The following CNIH3 variants were observed in gnomAD, a reference collection of about 807,000 sequenced individuals.
The protein encoded by CNIH3 is cornichon family AMPA receptor auxiliary protein 3.
CNIH3 carries 14 observed loss-of-function variants against 24.1 expected under a neutral mutation model. The observed-to-expected ratio is 0.58, with a 90% CI of 0.38 to 0.91. The LOEUF (loss-of-function observed/expected upper bound fraction) is 0.91. Among genes scored for constraint, CNIH3 ranks in the 40% least tolerant of loss-of-function variants. The pLI is 0.00. For missense variants in CNIH3, 178 were observed against 196.8 expected, an observed-to-expected ratio of 0.90 and a Z score of 0.57; for synonymous variants, 68 against 73.8, an observed-to-expected ratio of 0.92 and a Z score of 0.40.
At chr1:224,512,869 A>G (rs1286124576), upstream of CNIH3, among the ~76,000 whole-genome samples, 1 of 152,098 alleles carries the variant, frequency 6.6e-6, no homozygotes, top group Non-Finnish European at 1.5e-5. Context: ...GTGAGTGAAC[A>G]CAGAATGGAG....
At chr1:224,502,388 C>T (rs1359428817) in intron 1 of CNIH3, among the ~76,000 whole-genome samples, 3 of 152,070 alleles carry the variant, frequency 2.0e-5, no homozygotes, top group Admixed American at 6.5e-5. Context: ...CCTTTGGAGC[C>T]GAAAGCCCAG....
chr1:224,725,356 G>A (rs1208143196), intron 3 of CNIH3, among the ~76,000 whole-genome samples: 4 of 152,220 alleles, frequency 2.6e-5, no homozygotes, highest in Admixed American at 2.6e-4. Context: ...TTACAGATGG[G>A]TAAAATAAGA....
chr1:224,477,031 C>G (rs967966700), intron 1 of CNIH3, among the ~76,000 whole-genome samples: 3 of 152,174 alleles, frequency 2.0e-5, no homozygotes, highest in African/African-American at 7.2e-5. Context: ...CCCACCATGC[C>G]CCTGCAACAG....
chr1:224,523,238 CAA>C (rs879799320), intron 2 of CNIH3, among the ~76,000 whole-genome samples: 7 of 133,506 alleles, frequency 5.2e-5, no homozygotes, highest in African/African-American at 8.3e-5. Context: ...GACCCTGTCT[CAA>C]AAAAAAAAAA....
Position 224,617,030 on chromosome 1 carries a change from G to A in CNIH3, c.-145G>A. On this transcript the variant is annotated 5_prime_UTR_variant, in exon 1 of 6. Coordinates refer to ENST00000272133, the MANE Select transcript of CNIH3 (RefSeq NM_152495.2). Reference sequence around the variant, plus strand: ...GCGCTTATTCGCTGACCCTCGAGTCGCTTCGCTAGCTGTGCGCCCTCCTGG... The same window carrying A: ...GCGCTTATTCGCTGACCCTCGAGTCACTTCGCTAGCTGTGCGCCCTCCTGG... The A allele has an allele frequency of 7.0e-7, 1 of 1,420,650 alleles. No homozygotes were observed. The highest frequency in any genetic ancestry group is 9.2e-7 in the Non-Finnish European group (1 of 1,090,458). 88.0% of individuals were successfully genotyped at this position (1,420,650 alleles called of 1,614,324 possible). A position where few individuals can be genotyped will look rare whatever the true frequency, so the allele number is the denominator to read the frequency against.
intron 5 of CNIH3, among the ~76,000 whole-genome samples, chr1:224,585,297 C>T (rs1032704397): frequency 2.6e-5 from 4 of 152,108 alleles, no homozygotes; most frequent in Admixed American, 2.0e-4. Context: ...TTCCAGACCC[C>T]GCAATCACTC....
chr1:224,617,239 T>C lies in CNIH3; in HGVS notation c.65T>C (p.Phe22Ser), dbSNP rs1683051390. 1.1e-5 allele frequency: 18 copies of C among 1,614,048 alleles called. No homozygotes were observed. Among genetic ancestry groups the C allele is most frequent in the Non-Finnish European group, 1.4e-5 (17 of 1,179,984 alleles). The change falls in exon 1 of 6, where the codon TTC becomes TCC. Residue 22 changes from phenylalanine (F) to serine (S), a missense_variant. Physicochemically the swap from Phe to Ser is radical, Grantham distance 155 (BLOSUM62 -2). Transcript: ENST00000272133. The stretch of plus-strand genomic sequence containing the variant: ...CTGGTGCTGTGCGCTGCGCTCATCT[T>C]CTTCGCCATCTGGCACGTGAGTAAC... The part of the protein sequence containing the change: ...LSLVLCAALI[F>S]FAIWHIIAFD...
chr1:224,688,785 C>T (rs993625727), intron 3 of CNIH3, among the ~76,000 whole-genome samples: 1 of 151,144 alleles, frequency 6.6e-6, no homozygotes, highest in Non-Finnish European at 1.5e-5. Flanking sequence ...ATTAGTCGGG[C>T]GTGGTGGTGG....
chr1:224,463,368 T>C (rs981122807), intron 1 of CNIH3, among the ~76,000 whole-genome samples: 3 of 152,200 alleles, frequency 2.0e-5, no homozygotes, highest in Admixed American at 2.0e-4. Context: ...AAAATTGTGT[T>C]GTTTTCTCGT....
At chr1:224,529,063 T>C (rs985300) in intron 2 of CNIH3, 137,944 of 152,240 alleles carry the variant, frequency 0.91, 62,512 homozygotes, top group South Asian at 0.96. Context: ...GCGAGTCGGC[T>C]GGGGCAGCCT....
At chr1:224,440,369 A>G (rs1278738322) in intron 1 of CNIH3, among the ~76,000 whole-genome samples, 1 of 152,102 alleles carries the variant, frequency 6.6e-6, no homozygotes, top group Non-Finnish European at 1.5e-5. Flanking sequence ...AGCTGGAACT[A>G]CAGGTGCACA....
chr1:224,656,269 T>G (rs759981974), intron 1 of CNIH3, among the ~76,000 whole-genome samples: 12 of 152,264 alleles, frequency 7.9e-5, no homozygotes, highest in Admixed American at 2.0e-4. Flanking sequence ...GACCATGATC[T>G]GTGTACTTTT....
chr1:224,666,095 T>C lies in CNIH3; in HGVS notation c.82-14863T>C, dbSNP rs1050867733. The stretch of plus-strand genomic sequence containing the variant: ...GTTCAGAAATACTGATGCAATGCAA[T>C]GTGCTAATTTTGCACATGAGGACAC... On this transcript the variant is annotated intron_variant, in intron 1 of 5. Transcript: ENST00000272133. Among the ~76,000 whole-genome samples the C allele has an allele frequency of 6.2e-4, 95 of 152,174 alleles. 2 individuals carry two copies. Among genetic ancestry groups the C allele is most frequent in the African/African-American group, 2.2e-3 (90 of 41,444 alleles).
At chr1:224,535,301 G>T (rs712078) in intron 2 of CNIH3, among the ~76,000 whole-genome samples, 4,189 of 152,240 alleles carry the variant, frequency 0.028, 195 homozygotes, top group African/African-American at 0.094. Context: ...AAGGGTGCCA[G>T]CAAACACCAG....
intron 2 of CNIH3, among the ~76,000 whole-genome samples, chr1:224,527,001 A>G (rs1284319574): frequency 6.6e-6 from 1 of 152,136 alleles, no homozygotes; most frequent in Non-Finnish European, 1.5e-5. Context: ...CCATGACCCA[A>G]TCACCTCCCA....
intron 1 of CNIH3, among the ~76,000 whole-genome samples, chr1:224,507,748 G>A (rs573209922): frequency 1.3e-5 from 2 of 152,272 alleles, no homozygotes; most frequent in East Asian, 1.9e-4. Context: ...TTACCAGTGC[G>A]GGAGGCCAAT....
At chr1:224,546,862 A>C (rs1425407479) in exon 3 of CNIH3, 15 of 984,024 alleles carry the variant, frequency 1.5e-5, no homozygotes, top group Non-Finnish European at 1.8e-5. Context: ...TGAAGAGATG[A>C]TGATGGGGCC....
At chr1:224,556,859 A>G (rs1385342113) in intron 3 of CNIH3, among the ~76,000 whole-genome samples, 1 of 152,124 alleles carries the variant, frequency 6.6e-6, no homozygotes, top group East Asian at 1.9e-4. Context: ...GCTCCCTGGT[A>G]TAAAATTGCT....
chr1:224,458,086 C>A lies in CNIH3; in HGVS notation n.203+23224C>A, dbSNP rs1365398932. 6.6e-6 allele frequency among the ~76,000 whole-genome samples: 1 copy of A among 152,202 alleles called. No homozygotes were observed. The highest frequency in any genetic ancestry group is 1.5e-5 in the Non-Finnish European group (1 of 68,032). The stretch of plus-strand genomic sequence containing the variant: ...TTGGGCAGGATATTCCCTTCCAGGG[C>A]TCCTACCCTCTCCTGATTTTGCATC... On this transcript the variant is annotated intron_variant and non_coding_transcript_variant, in intron 1 of 5. Coordinates refer to the CNIH3 transcript ENST00000471578. This position sits in a 1 kb window ranked among gnomAD's most constrained non-coding sequence, Gnocchi z 4.3.
Sources: allele counts gnomAD v4.1 joint callset (sites outside exome capture counted in the v4.1 genomes callset), GRCh38; gene constraint gnomAD v4.1.1; non-coding constraint Gnocchi (gnomAD v3.1); transcripts MANE v1.5; gene names NCBI Gene and HGNC (gene_info 2026-07-23, HGNC 2026-07-21).